GALNT15: variants seen among roughly 807,000 people sequenced by gnomAD.
The protein encoded by GALNT15 is polypeptide N-acetylgalactosaminyltransferase 15.
In GALNT15, 67 loss-of-function variants were observed where a neutral mutation model predicts 66.8. The observed-to-expected ratio is 1.00, with a 90% CI of 0.82 to 1.23. The LOEUF (loss-of-function observed/expected upper bound fraction) is 1.23. Ranked by LOEUF, GALNT15 falls within the 50% of genes most tolerant of loss-of-function variation. GALNT15 has a pLI of 0.00. For synonymous variants in GALNT15, 313 were observed against 311.5 expected, an observed-to-expected ratio of 1.00 and a Z score of -0.05; for missense variants, 827 against 804.3, an observed-to-expected ratio of 1.03 and a Z score of -0.34.
intron 9 of GALNT15, among the ~76,000 whole-genome samples, chr3:16,223,583 T>C (rs1167094869): frequency 6.6e-6 from 1 of 152,014 alleles, no homozygotes; most frequent in East Asian, 1.9e-4. Flanking sequence ...AATCGTATGA[T>C]AGAAAACTTA....
intron 5 of GALNT15, 56 bp from the exon 6 acceptor site, chr3:16,212,513 T>G: frequency 6.5e-7 from 1 of 1,532,772 alleles, no homozygotes; most frequent in Non-Finnish European, 8.9e-7. Flanking sequence ...GCTCCCTATT[T>G]CCCGCCGTTC....
In GALNT15 at chr3:16,227,273, G is replaced by T; in HGVS notation, c.1774-81G>T. 7.0e-7 allele frequency: 1 copy of T among 1,424,574 alleles called. No homozygotes were observed. Among genetic ancestry groups the T allele is most frequent in the Non-Finnish European group, 9.6e-7 (1 of 1,044,320 alleles). 88.2% of individuals were successfully genotyped at this position (1,424,574 alleles called of 1,614,324 possible). A position where few individuals can be genotyped will look rare whatever the true frequency, so the allele number is the denominator to read the frequency against. On this transcript the variant is annotated intron_variant, in intron 9 of 9. Transcript: ENST00000339732. The surrounding 1 kb of genome is among the most constrained non-coding windows in gnomAD (Gnocchi z 4.5). ...CCATCTGTTATTCTCTTAATGATTA[G>T]CACAAATCTTAAAAATATTTTCTTT...
intron 3 of GALNT15, 82 bp from the exon 4 acceptor site, chr3:16,208,421 T>C: frequency 1.4e-6 from 2 of 1,433,042 alleles, no homozygotes; most frequent in Non-Finnish European, 1.9e-6. Context: ...GCCACCATAC[T>C]GGGCAGCCCA....
Position 16,209,752 on chromosome 3 carries a change from G to T in GALNT15, c.1079+1082G>T, listed in dbSNP as rs1247578012. ...CACAAGAATCACTGGAACCCAGGAG[G>T]CAGAGGTTGCAATGAGCTGAGACCA... On this transcript the variant is annotated intron_variant, in intron 4 of 9. Coordinates refer to ENST00000339732, the MANE Select transcript of GALNT15 (RefSeq NM_054110.5). This position sits in a 1 kb window ranked among gnomAD's most constrained non-coding sequence, Gnocchi z 4.1. 2.6e-5 allele frequency among the ~76,000 whole-genome samples: 4 copies of T among 152,190 alleles called. No homozygotes were observed. The highest frequency in any genetic ancestry group is 5.9e-5 in the Non-Finnish European group (4 of 68,032).
rs1417558156 is a variant in GALNT15, at chr3:16,225,798, A to T, written c.1774-1556A>T. ...TACACACGGTGCCCAACACTTTGAG[A>T]GGCAGAGGTGGGTGGATCACTTGAG... On this transcript the variant is annotated intron_variant, in intron 9 of 9. Coordinates refer to ENST00000339732, the MANE Select transcript of GALNT15 (RefSeq NM_054110.5). The surrounding 1 kb of genome is among the most constrained non-coding windows in gnomAD (Gnocchi z 4.4). 4.6e-5 allele frequency among the ~76,000 whole-genome samples: 7 copies of T among 152,030 alleles called. No homozygotes were observed. The highest frequency in any genetic ancestry group is 1.7e-4 in the African/African-American group (7 of 41,486).
rs1353756644 is a variant in GALNT15 at position 16,193,461 on chromosome 3, A to G, written c.540-2299A>G. On this transcript the variant is annotated intron_variant, in intron 1 of 9. Transcript: ENST00000339732. The surrounding 1 kb of genome is among the most constrained non-coding windows in gnomAD (Gnocchi z 4.7). Reference sequence around the variant, plus strand: ...ATTTATGGAAATAAATAGCTTGTAAATTTATAAACCAACAAAATAATTAGC... The same window carrying G: ...ATTTATGGAAATAAATAGCTTGTAAGTTTATAAACCAACAAAATAATTAGC... Among the ~76,000 whole-genome samples, 1 of 152,184 alleles carries G rather than the reference A, an allele frequency of 6.6e-6. No homozygotes were observed. The highest frequency in any genetic ancestry group is 1.5e-5 in the Non-Finnish European group (1 of 68,034).
In GALNT15 at chr3:16,209,654, C is replaced by A. The variant is rs2063792304; in HGVS notation, c.1079+984C>A. ...CCATCATGGCGAAACCCCATCTCTA[C>A]TAAAATTACAAAAAAAAATTAGCTG... is the stretch of plus-strand genomic sequence containing the variant. On this transcript the variant is annotated intron_variant, in intron 4 of 9. Transcript: ENST00000339732. This position sits in a 1 kb window ranked among gnomAD's most constrained non-coding sequence, Gnocchi z 4.1. Among the ~76,000 whole-genome samples, 1 of 152,050 alleles carries A rather than the reference C, an allele frequency of 6.6e-6. No individual in the cohort carries two copies. Among genetic ancestry groups the A allele is most frequent in the Non-Finnish European group, 1.5e-5 (1 of 68,016 alleles).
chr3:16,213,747 G>T (rs2063842957), intron 6 of GALNT15, among the ~76,000 whole-genome samples: 1 of 152,210 alleles, frequency 6.6e-6, no homozygotes, highest in Non-Finnish European at 1.5e-5. Flanking sequence ...ATGTGAGTTT[G>T]CATGCCACAG....
chr3:16,184,208 C>A lies in GALNT15; in HGVS notation c.539+8518C>A, dbSNP rs796708949. On this transcript the variant is annotated intron_variant, in intron 1 of 9. Coordinates refer to ENST00000339732, the MANE Select transcript of GALNT15 (RefSeq NM_054110.5). The surrounding 1 kb of genome is among the most constrained non-coding windows in gnomAD (Gnocchi z 5.0). ...GGACACTTGAGTGACACATACAAAC[C>A]GAGATAGTAAAATATTCACCGGATA... Among the ~76,000 whole-genome samples the A allele has an allele frequency of 6.6e-6, 1 of 152,104 alleles. No homozygotes were observed. Among genetic ancestry groups the A allele is most frequent in the African/African-American group, 2.4e-5 (1 of 41,410 alleles).
Position 16,228,067 on chromosome 3 carries a change from A to G in GALNT15, c.*567A>G, listed in dbSNP as rs1015146132. On this transcript the variant is annotated 3_prime_UTR_variant, in exon 10 of 10. Coordinates refer to ENST00000339732, the MANE Select transcript of GALNT15 (RefSeq NM_054110.5). Reference sequence around the variant, plus strand: ...AAGGAGGTTTAGGATTGCAGAGAAGATGCAAGAGCACTTTGGCCCAATTCT... The same window carrying G: ...AAGGAGGTTTAGGATTGCAGAGAAGGTGCAAGAGCACTTTGGCCCAATTCT... 6 of 986,174 alleles carry G rather than the reference A, an allele frequency of 6.1e-6. No homozygotes were observed. Among genetic ancestry groups the G allele is most frequent in the South Asian group, 9.4e-5 (2 of 21,312 alleles). The allele number at this position is 986,174 out of a possible 1,614,324, so 61.1% of individuals were successfully genotyped here. A position where few individuals can be genotyped will look rare whatever the true frequency, so the allele number is the denominator to read the frequency against.
intron 1 of GALNT15, among the ~76,000 whole-genome samples, chr3:16,190,229 C>A (rs2063559095): frequency 6.6e-6 from 1 of 152,194 alleles, no homozygotes; most frequent in Non-Finnish European, 1.5e-5. Context: ...GGATGATGAC[C>A]ATGGACTGCC....
At chr3:16,238,734 A>G in the GALNT15 span, among the ~76,000 whole-genome samples, 2 of 152,108 alleles carry the variant, frequency 1.3e-5, no homozygotes, top group Non-Finnish European at 2.9e-5. The surrounding 1 kb of genome is among the most constrained non-coding windows in gnomAD (Gnocchi z 4.8). Flanking sequence ...GCCTCCCAGT[A>G]TTTGTGAGTA....
At chr3:16,220,106 G>C in intron 8 of GALNT15, 92 bp downstream of exon 8, 3 of 967,720 alleles carry the variant, frequency 3.1e-6, no homozygotes, top group Non-Finnish European at 5.0e-6. Flanking sequence ...TTCCCTTTGA[G>C]GTATCTTCTT....
intron 3 of GALNT15, among the ~76,000 whole-genome samples, chr3:16,205,657 G>A (rs73818320): frequency 0.076 from 11,522 of 152,164 alleles, 641 homozygotes; most frequent in African/African-American, 0.15. Context: ...CAGACACATC[G>A]GTAGGTACAA....
At chr3:16,234,463 C>T (rs2064114026), downstream of GALNT15, among the ~76,000 whole-genome samples, 1 of 152,170 alleles carries the variant, frequency 6.6e-6, no homozygotes, top group Non-Finnish European at 1.5e-5. Context: ...ACCTCAGCTC[C>T]CTCACCTCTC....
intron 3 of GALNT15, among the ~76,000 whole-genome samples, chr3:16,206,265 C>A (rs192518813): frequency 2.6e-5 from 4 of 152,046 alleles, no homozygotes. Flanking sequence ...TGCCTGTAGT[C>A]CCAGCTACTC....
At chr3:16,236,086 C>T (rs1476571363), downstream of GALNT15, among the ~76,000 whole-genome samples, 1 of 62,478 alleles carries the variant, frequency 1.6e-5, no homozygotes, top group Non-Finnish European at 3.1e-5. Context: ...GCATGGGCAA[C>T]AGAGCAAGAC....
intron 1 of GALNT15, among the ~76,000 whole-genome samples, chr3:16,179,557 A>G (rs964393785): frequency 2.6e-5 from 4 of 152,170 alleles, no homozygotes; most frequent in Admixed American, 2.0e-4. Flanking sequence ...GGTGCACCCT[A>G]TGAGATACTC....
At chr3:16,247,601 C>A in the GALNT15 span, among the ~76,000 whole-genome samples, 4 of 152,188 alleles carry the variant, frequency 2.6e-5, no homozygotes, top group East Asian at 5.8e-4. Flanking sequence ...CGCCTGTGAC[C>A]CACACTCACT....
Sources: allele counts gnomAD v4.1 joint callset (sites outside exome capture counted in the v4.1 genomes callset), GRCh38; gene constraint gnomAD v4.1.1; non-coding constraint Gnocchi (gnomAD v3.1); transcripts MANE v1.5; gene names NCBI Gene and HGNC (gene_info 2026-07-23, HGNC 2026-07-21).